Variants in CHMP2B observed in about 807,000 individuals in gnomAD.
CHMP2B encodes VPS2 homolog B.
CHMP2B carries 22 observed loss-of-function variants against 29.8 expected under a neutral mutation model. The observed-to-expected ratio is 0.74, with a 90% CI of 0.53 to 1.05. The LOEUF (loss-of-function observed/expected upper bound fraction) is 1.05. CHMP2B is among the 50% of genes least tolerant of loss of function. The pLI is 0.00. For missense variants in CHMP2B, 261 were observed against 252.2 expected, an observed-to-expected ratio of 1.03 and a Z score of -0.24; for synonymous variants, 78 against 75.8, an observed-to-expected ratio of 1.03 and a Z score of -0.15.
chr3:87,253,764 A>G lies in CHMP2B; in HGVS notation c.584A>G (p.Lys195Arg). The G allele has an allele frequency of 6.2e-7, 1 of 1,612,632 alleles. No individual in the cohort carries two copies. The highest frequency in any genetic ancestry group is 8.5e-7 in the Non-Finnish European group (1 of 1,178,882). ...ARSLPSASTS[K>R]ATISDEEIER... ...AGCTTACCATCTGCCTCTACTTCAA[A>G]GGCTACAATCTCAGATGAAGAGATT... Residue 195 changes from lysine to arginine, a missense_variant, in exon 6 of 6, where the codon AAG becomes AGG. By Grantham distance (26) the Lys-to-Arg change is conservative. Transcript: ENST00000263780.
chr3:87,253,217 C>T, intron 4 of CHMP2B, 187 bp from the exon 5 acceptor site: 3 of 535,720 alleles, frequency 5.6e-6, no homozygotes, highest in Non-Finnish European at 6.8e-6. Context: ...AACATTATTC[C>T]AGATTTAATG....
intron 3 of CHMP2B, among the ~76,000 whole-genome samples, chr3:87,248,593 G>A (rs1458325682): frequency 6.6e-6 from 1 of 152,006 alleles, no homozygotes; most frequent in Non-Finnish European, 1.5e-5. Context: ...CTAGCCTCAA[G>A]TGGCAGGAGA....
At chr3:87,242,817 G>C (rs74705198) in intron 2 of CHMP2B, among the ~76,000 whole-genome samples, 2 of 152,096 alleles carry the variant, frequency 1.3e-5, no homozygotes, top group African/African-American at 4.8e-5. Flanking sequence ...AGCTAATACC[G>C]CATTATTTTT....
At chr3:87,253,151 TTAA>T (rs1706346205) in intron 4 of CHMP2B, 2 of 375,792 alleles carry the variant, frequency 5.3e-6, no homozygotes, top group African/African-American at 4.2e-5. Context: ...TCTATTAGAA[TTAA>T]TTTTTTAAAA....
intron 2 of CHMP2B, 54 bp downstream of exon 2, chr3:87,240,844 T>C (rs762064841): frequency 8.9e-6 from 12 of 1,351,658 alleles, no homozygotes; most frequent in Non-Finnish European, 1.3e-5. Context: ...TGGAAATTAC[T>C]GTAGGAATAA....
At position 87,236,245 on chromosome 3, in the gene CHMP2B, C is replaced by T. The variant is rs1706005623; in HGVS notation, c.35-4454C>T. On this transcript the variant is annotated intron_variant, in intron 1 of 5. Transcript: ENST00000263780. ...TCTGGTGACTAACCTCATCCTGAGG[C>T]TATCAGCTACCCTCCCACACCTACC... 4.6e-5 allele frequency among the ~76,000 whole-genome samples: 7 copies of T among 152,102 alleles called. No homozygotes were observed. The South Asian group carries it at 1.5e-3, about 32-fold the overall frequency.
chr3:87,235,940 C>T (rs917183991), intron 1 of CHMP2B, among the ~76,000 whole-genome samples: 14 of 152,170 alleles, frequency 9.2e-5, no homozygotes, highest in Non-Finnish European at 1.8e-4. Flanking sequence ...CAGAACTCAT[C>T]AGAGTGCTTT....
At chr3:87,247,870 A>G (rs1276687217) in intron 3 of CHMP2B, among the ~76,000 whole-genome samples, 1 of 152,208 alleles carries the variant, frequency 6.6e-6, no homozygotes, top group Admixed American at 6.5e-5. Context: ...CTCTGACTTG[A>G]TCACTACGCA....
rs767746876 is a variant in CHMP2B at position 87,253,432 on chromosome 3, C to T, written c.453C>T (p.Asp151=). ...ATGATACACTTGATGACATCTTTGACGGTTCTGATGACGAAGAAGAAAGCC... is the reference window on the plus strand; with the variant it reads ...ATGATACACTTGATGACATCTTTGATGGTTCTGATGACGAAGAAGAAAGCC... ...MINDTLDDIF[D]GSDDEEESQD... Residue 151 remains aspartate (D), a synonymous_variant, in exon 5 of 6, where the codon GAC becomes GAT. Coordinates refer to ENST00000263780, the MANE Select transcript of CHMP2B (RefSeq NM_014043.4). The T allele has an allele frequency of 2.7e-5, 44 of 1,610,024 alleles. No homozygotes were observed. The highest frequency in any genetic ancestry group is 1.2e-4 in the South Asian group (11 of 91,030).
chr3:87,236,517 G>C (rs1706014461), intron 1 of CHMP2B, among the ~76,000 whole-genome samples: 1 of 152,102 alleles, frequency 6.6e-6, no homozygotes, highest in Non-Finnish European at 1.5e-5. Context: ...TCTGAGTATA[G>C]TGGCTTGTCT....
At chr3:87,252,407 G>A (rs908022908) in intron 4 of CHMP2B, among the ~76,000 whole-genome samples, 1 of 150,548 alleles carries the variant, frequency 6.6e-6, no homozygotes, top group African/African-American at 2.4e-5. Context: ...TGCCATTTAT[G>A]TACCTTAAAT....
chr3:87,240,751 C>G lies in CHMP2B; in HGVS notation c.87C>G (p.Ile29Met). Residue 29 changes from isoleucine (I) to methionine (M), a missense_variant, in exon 2 of 6, where the codon ATC (isoleucine) becomes ATG (methionine). By Grantham distance (10) the Ile-to-Met change is conservative (BLOSUM62 1). Coordinates refer to ENST00000263780, the MANE Select transcript of CHMP2B (RefSeq NM_014043.4). Reference protein sequence around the residue: ...RELRGTQRAIIRDRAALEKQE... With the variant: ...RELRGTQRAIMRDRAALEKQE... The stretch of plus-strand genomic sequence containing the variant: ...TACGAGGTACACAGAGGGCTATAAT[C>G]AGAGATCGAGCAGCTTTAGAGAAAC... The G allele has an allele frequency of 6.2e-7, 1 of 1,613,624 alleles. No homozygotes were observed. Among genetic ancestry groups the G allele is most frequent in the Non-Finnish European group, 8.5e-7 (1 of 1,179,666 alleles).
intron 1 of CHMP2B, 50 bp from the exon 2 acceptor site, chr3:87,240,649 T>C (rs773140836): frequency 1.4e-5 from 17 of 1,220,684 alleles, no homozygotes; most frequent in South Asian, 1.3e-4. Context: ...TTAAATGATA[T>C]TGAAAATTTT....
chr3:87,236,617 C>T (rs1242341955), intron 1 of CHMP2B, among the ~76,000 whole-genome samples: 2 of 151,844 alleles, frequency 1.3e-5, no homozygotes, highest in Non-Finnish European at 2.9e-5. Flanking sequence ...TTTGGGAGGC[C>T]GAGGCGGTTG....
chr3:87,244,655 G>C (rs1372470418), intron 2 of CHMP2B, among the ~76,000 whole-genome samples: 2 of 151,602 alleles, frequency 1.3e-5, no homozygotes, highest in Non-Finnish European at 2.9e-5. Flanking sequence ...TATGAATTTT[G>C]AGTTTCATTG....
chr3:87,237,261 T>A (rs534006150), intron 1 of CHMP2B, among the ~76,000 whole-genome samples: 1 of 152,274 alleles, frequency 6.6e-6, no homozygotes, highest in East Asian at 1.9e-4. Context: ...CTCTGACCAC[T>A]CATGTGACTG....
chr3:87,246,017 A>G, intron 3 of CHMP2B, 109 bp downstream of exon 3: 1 of 821,896 alleles, frequency 1.2e-6, no homozygotes, highest in Non-Finnish European at 2.0e-6. Flanking sequence ...GTGATACAAA[A>G]TGTGTGTAAT....
At chr3:87,245,986 A>G in intron 3 of CHMP2B, 78 bp downstream of exon 3, 6 of 1,188,098 alleles carry the variant, frequency 5.1e-6, no homozygotes, top group Non-Finnish European at 7.4e-6. Context: ...AGCAGATTTA[A>G]AAGCACCTCC....
rs1249263356 is a variant in CHMP2B at position 87,255,360 on chromosome 3, A to T, written c.*1538A>T. On this transcript the variant is annotated 3_prime_UTR_variant, in exon 6 of 6. Coordinates refer to ENST00000263780, the MANE Select transcript of CHMP2B (RefSeq NM_014043.4). ...TACCGGATTATGGAATGTTTACCAG[A>T]ACATGTTTTGATTCTTGAATGTACA... 1.3e-5 allele frequency: 2 copies of T among 152,438 alleles called. No homozygotes were observed. Among genetic ancestry groups the T allele is most frequent in the African/African-American group, 4.8e-5 (2 of 41,438 alleles). 9.4% of individuals were successfully genotyped at this position (152,438 alleles called of 1,614,324 possible).
Sources: allele counts gnomAD v4.1 joint callset (sites outside exome capture counted in the v4.1 genomes callset), GRCh38; gene constraint gnomAD v4.1.1; transcripts MANE v1.5; gene names NCBI Gene and HGNC (gene_info 2026-07-23, HGNC 2026-07-21).